The following UGT1A3 variants were observed in gnomAD, a reference collection of about 807,000 sequenced individuals.
UGT1A3 encodes UDP-glucuronosyltransferase 1A3.
Under a neutral mutation model 41.0 loss-of-function variants are expected in UGT1A3, and 31 were observed. The observed-to-expected ratio is 0.76, with a 90% CI of 0.57 to 1.02. The LOEUF (loss-of-function observed/expected upper bound fraction) is 1.02. Among genes scored for constraint, UGT1A3 ranks in the 50% least tolerant of loss-of-function variants. The probability of loss-of-function intolerance (pLI) is 0.00; values close to 1 mark genes in which losing one functional copy is unlikely to be tolerated. For synonymous variants in UGT1A3, 262 were observed against 257.6 expected, an observed-to-expected ratio of 1.02 and a Z score of -0.17; for missense variants, 737 against 671.0, an observed-to-expected ratio of 1.10 and a Z score of -1.09.
rs28900395 is a variant in UGT1A3 at position 233,758,981 on chromosome 2, G to A, written c.868-8053G>A. ...CAAATGCCTTTCCCCTGGATCTTGGGCCAGTGGAATGAGTACAATTTAACT... is the reference window on the plus strand; with the variant it reads ...CAAATGCCTTTCCCCTGGATCTTGGACCAGTGGAATGAGTACAATTTAACT... On this transcript the variant is annotated intron_variant, in intron 1 of 4. Transcript: ENST00000482026. 1.8e-4 allele frequency among the ~76,000 whole-genome samples: 28 copies of A among 152,260 alleles called. No homozygotes were observed. The East Asian group carries it at 5.2e-3, about 28-fold the overall frequency.
intron 1 of UGT1A3, 89 bp downstream of exon 1, chr2:233,730,082 T>C (rs1479796808): frequency 2.1e-5 from 33 of 1,603,816 alleles, no homozygotes; most frequent in Non-Finnish European, 2.4e-5. Flanking sequence ...CCATATTTAC[T>C]TATCTTTCCA....
At chr2:233,740,532 G>A (rs1691412660) in intron 1 of UGT1A3, among the ~76,000 whole-genome samples, 1 of 151,892 alleles carries the variant, frequency 6.6e-6, no homozygotes. Context: ...AATCAGCTGT[G>A]TTGAACTCCA....
chr2:233,748,080 G>T, intron 1 of UGT1A3: 3 of 1,613,126 alleles, frequency 1.9e-6, no homozygotes, highest in South Asian at 2.2e-5. Flanking sequence ...ACTATCTCAG[G>T]TCGGTGTTCG....
At chr2:233,748,399 G>C (rs1575689614) in intron 1 of UGT1A3, among the ~76,000 whole-genome samples, 1 of 151,790 alleles carries the variant, frequency 6.6e-6, no homozygotes, top group African/African-American at 2.4e-5. Flanking sequence ...AAGGAGCAGG[G>C]ACACTACATT....
At chr2:233,766,486 C>T (rs562758025) in intron 1 of UGT1A3, among the ~76,000 whole-genome samples, 29 of 152,240 alleles carry the variant, frequency 1.9e-4, no homozygotes, top group African/African-American at 6.5e-4. Flanking sequence ...ATGATGGGGG[C>T]GTGGCAGGCC....
chr2:233,729,506 CT>C lies in UGT1A3; in HGVS notation c.382del (p.Cys128ValfsTer10), dbSNP rs2077870453. ...LNNMSLVYHR[S>X]CVELLHNEAL... ...AATATGTCTTTGGTCTATCATAGGTCTTGTGTGGAGCTACTACATAATGAGG... is the reference window on the plus strand; with the variant it reads ...AATATGTCTTTGGTCTATCATAGGTCTGTGTGGAGCTACTACATAATGAGG... On this transcript the variant is annotated frameshift_variant, in exon 1 of 5. Coordinates refer to ENST00000482026, the MANE Select transcript of UGT1A3 (RefSeq NM_019093.4). LOFTEE classifies it high-confidence loss of function. 6.2e-7 allele frequency: 1 copy of C among 1,614,044 alleles called. No homozygotes were observed. The highest frequency in any genetic ancestry group is 1.3e-5 in the African/African-American group (1 of 74,910).
At chr2:233,771,238 A>G (rs1201821229) in intron 4 of UGT1A3, 1 of 152,168 alleles carries the variant, frequency 6.6e-6, no homozygotes, top group Non-Finnish European at 1.5e-5. Context: ...CAGCGATCAT[A>G]ATTAGTCCTG....
intron 1 of UGT1A3, among the ~76,000 whole-genome samples, chr2:233,737,102 G>T (rs992623703): frequency 6.6e-6 from 1 of 152,236 alleles, no homozygotes; most frequent in Non-Finnish European, 1.5e-5. Context: ...TAAGTCTGCT[G>T]TTCCCCACAT....
intron 1 of UGT1A3, chr2:233,747,772 G>C (rs1693773071): frequency 6.2e-7 from 1 of 1,613,364 alleles, no homozygotes; most frequent in Non-Finnish European, 8.5e-7. Context: ...GGCACACAGT[G>C]TCCAAATCCT....
chr2:233,772,858 A>G lies in UGT1A3; in HGVS notation c.*299A>G, dbSNP rs966644080. The G allele has an allele frequency of 2.8e-5, 20 of 719,678 alleles. No homozygotes were observed. The Admixed American group carries it at 5.6e-4, about 20-fold the overall frequency. 44.6% of individuals were successfully genotyped at this position (719,678 alleles called of 1,614,324 possible). ...TAGATTACTTTTCTTACTCTGAAAC[A>G]TGGCCTGTTTGGGAGTGCGGGATTC... On this transcript the variant is annotated 3_prime_UTR_variant, in exon 5 of 5. Coordinates refer to ENST00000482026, the MANE Select transcript of UGT1A3 (RefSeq NM_019093.4).
chr2:233,746,228 CA>C (rs1693331108), intron 1 of UGT1A3, among the ~76,000 whole-genome samples: 1 of 151,630 alleles, frequency 6.6e-6, no homozygotes, highest in Non-Finnish European at 1.5e-5. Context: ...GACAGATATG[CA>C]AACTGCTAAA....
chr2:233,765,966 G>C (rs538817499), intron 1 of UGT1A3, among the ~76,000 whole-genome samples: 1 of 152,134 alleles, frequency 6.6e-6, no homozygotes, highest in African/African-American at 2.4e-5. Context: ...GTGTCTAGAG[G>C]TGGATGTTTA....
chr2:233,748,384 T>G (rs546137113), intron 1 of UGT1A3, among the ~76,000 whole-genome samples: 6 of 151,768 alleles, frequency 4.0e-5, no homozygotes, highest in Admixed American at 6.6e-5. Flanking sequence ...ATGTCCTTCA[T>G]TGGGAAGGAG....
At position 233,750,714 on chromosome 2, in the gene UGT1A3, G is replaced by A. The variant is rs569716311; in HGVS notation, c.868-16320G>A. On this transcript the variant is annotated intron_variant, in intron 1 of 4. Coordinates refer to ENST00000482026, the MANE Select transcript of UGT1A3 (RefSeq NM_019093.4). ...TAAAAGAGGCCAAGGTAGAGCTCAG[G>A]CCATTGCTTCAGAGGGTGCAAACCT... The A allele has an allele frequency of 6.6e-5, 10 of 152,072 alleles. No individual in the cohort carries two copies. In the South Asian group the frequency reaches 8.3e-4, roughly 13 times the overall value. The allele number at this position is 152,072 out of a possible 1,614,324, so 9.4% of individuals were successfully genotyped here. A position where few individuals can be genotyped will look rare whatever the true frequency, so the allele number is the denominator to read the frequency against.
chr2:233,763,358 T>G (rs1698289277), intron 1 of UGT1A3, among the ~76,000 whole-genome samples: 1 of 152,246 alleles, frequency 6.6e-6, no homozygotes, highest in Admixed American at 6.5e-5. Context: ...TCTTTAGTAC[T>G]CCTTTGTCTT....
intron 1 of UGT1A3, chr2:233,761,223 C>T: frequency 1.2e-6 from 2 of 1,613,412 alleles, no homozygotes; most frequent in Non-Finnish European, 1.7e-6. Context: ...ATTAACTAGC[C>T]CCAGATATAT....
At chr2:233,743,824 G>C (rs757559777) in intron 1 of UGT1A3, 1 of 1,367,262 alleles carries the variant, frequency 7.3e-7, no homozygotes, top group Non-Finnish European at 9.8e-7. Flanking sequence ...TTTTGTCGGG[G>C]TGCCACTTGA....
At chr2:233,746,037 G>A (rs1056217183) in intron 1 of UGT1A3, among the ~76,000 whole-genome samples, 1 of 151,708 alleles carries the variant, frequency 6.6e-6, no homozygotes, top group African/African-American at 2.4e-5. Context: ...CTTACTTGCT[G>A]GCTTGGATGC....
In UGT1A3 at chr2:233,767,884, T is replaced by A. The variant is rs149750520; in HGVS notation, c.1035T>A (p.Asn345Lys). The A allele has an allele frequency of 1.2e-6, 2 of 1,614,080 alleles. No individual in the cohort carries two copies. Among genetic ancestry groups the A allele is most frequent in the African/African-American group, 2.7e-5 (2 of 74,910 alleles). The change falls in exon 3 of 5, where the codon AAT (asparagine) becomes AAA (lysine). Residue 345 changes from asparagine to lysine, a missense_variant. Transcript: ENST00000482026. ...LWRYTGTRPSNLANNTILVKW... is the reference protein window; with the variant it reads ...LWRYTGTRPSKLANNTILVKW... ...GGTACACTGGAACCCGACCATCGAATCTTGCGAACAACACGATACTTGTTA... is the reference window on the plus strand; with the variant it reads ...GGTACACTGGAACCCGACCATCGAAACTTGCGAACAACACGATACTTGTTA...
Sources: gnomAD v4.1 joint callset for allele counts (sites outside exome capture counted in the v4.1 genomes callset) on GRCh38, gnomAD v4.1.1 for gene constraint, MANE v1.5 for transcripts, NCBI Gene and HGNC (gene_info 2026-07-23, HGNC 2026-07-21) for gene names.